Variants in BPTF observed in about 807,000 individuals in gnomAD.
The protein encoded by BPTF is nucleosome-remodeling factor subunit BPTF.
A neutral mutation model predicts 292.5 loss-of-function variants in BPTF; 18 were observed. The ratio of observed to expected loss-of-function variants is 0.06; its 90% CI spans 0.04 to 0.09. The LOEUF is 0.09. Ranked by LOEUF, BPTF falls within the 10% of genes least tolerant of loss-of-function variation. BPTF has a pLI of 1.00. For missense variants in BPTF, 2,726 were observed against 3,498.7 expected (o/e 0.78, Z 5.57); for synonymous variants, 1,225 against 1,251.9 (o/e 0.98, Z 0.45).
chr17:67,945,495 G>A lies in BPTF; in HGVS notation c.6787G>A (p.Val2263Met). 6.2e-7 allele frequency: 1 copy of A among 1,614,122 alleles called. No individual in the cohort carries two copies. Among genetic ancestry groups the A allele is most frequent in the African/African-American group, 1.3e-5 (1 of 75,034 alleles). ...KTLPPAQSSS[V>M]GPAEAQPQTA... ...CCTGCCACCAGCTCAGTCATCAAGTGTGGGTCCAGCAGAAGCCCAGCCACA... is the reference window on the plus strand; with the variant it reads ...CCTGCCACCAGCTCAGTCATCAAGTATGGGTCCAGCAGAAGCCCAGCCACA... The change falls in exon 21 of 28, where the codon GTG becomes ATG. Residue 2263 changes from valine (V) to methionine (M), a missense_variant. By Grantham distance (21) the Val-to-Met change is conservative. Transcript: ENST00000306378.
chr17:67,983,113 G>A lies in BPTF; in HGVS notation c.*825G>A, dbSNP rs1218073642. The A allele has an allele frequency of 1.3e-5, 2 of 152,664 alleles. No individual in the cohort carries two copies. The highest frequency in any genetic ancestry group is 4.8e-5 in the African/African-American group (2 of 41,574). 9.5% of individuals were successfully genotyped at this position (152,664 alleles called of 1,614,324 possible). ...TTTGTATTAAAATTCAACTATGGAT[G>A]TATATGAAACAAAATAAATGGAGAT... On this transcript the variant is annotated 3_prime_UTR_variant, in exon 28 of 28. Coordinates refer to ENST00000306378, the MANE Select transcript of BPTF (RefSeq NM_182641.4).
At chr17:67,934,882 A>AG (rs1333361579) in intron 18 of BPTF, among the ~76,000 whole-genome samples, 3 of 151,450 alleles carry the variant, frequency 2.0e-5, no homozygotes, top group Non-Finnish European at 4.4e-5. Context: ...AAAAAAAAAA[A>AG]AAAAAAAGCA....
intron 23 of BPTF, 147 bp from the exon 24 acceptor site, chr17:67,959,394 A>G: frequency 1.8e-6 from 1 of 546,916 alleles, no homozygotes; most frequent in Non-Finnish European, 3.0e-6. Flanking sequence ...ATATAAGAAA[A>G]CTCTTGTTTG....
At chr17:67,918,646 G>A in intron 11 of BPTF, 68 bp from the exon 12 acceptor site, 1 of 1,438,298 alleles carries the variant, frequency 7.0e-7, no homozygotes, top group Non-Finnish European at 9.6e-7. Flanking sequence ...TTAGTAGAGT[G>A]AATATGAATG....
rs2144120976 is a variant in BPTF, at chr17:67,836,206, C to G, written c.613+9869C>G. ...GCCAAATTATTTATCTATGGAACCCCCTGAGATTTGCTAAGAAAGTTATAC... is the reference window on the plus strand; with the variant it reads ...GCCAAATTATTTATCTATGGAACCCGCTGAGATTTGCTAAGAAAGTTATAC... On this transcript the variant is annotated intron_variant, in intron 1 of 27. Transcript: ENST00000306378. Among the ~76,000 whole-genome samples the G allele has an allele frequency of 2.0e-5, 3 of 152,178 alleles. 1 individual carries two copies. In the South Asian group the frequency reaches 6.2e-4, roughly 32 times the overall value.
chr17:67,888,926 A>G (rs556884100), intron 4 of BPTF, among the ~76,000 whole-genome samples: 116 of 152,320 alleles, frequency 7.6e-4, no homozygotes, highest in African/African-American at 2.7e-3. Flanking sequence ...TTTTTCTGAC[A>G]GTAGCACTCA....
At position 67,920,088 on chromosome 17, in the gene BPTF, T is replaced by C. The variant is rs2063334125; in HGVS notation, c.5502T>C (p.Ser1834=). Residue 1834 remains serine (S), a synonymous_variant, in exon 13 of 28, where the codon TCT becomes TCC. Coordinates refer to ENST00000306378, the MANE Select transcript of BPTF (RefSeq NM_182641.4). ...ATGTTGGTCCTTATGGCATTCGATC[T>C]GAATATTGTATCAGGAAAATCATTT... is the stretch of plus-strand genomic sequence containing the variant. ...RRDVGPYGIR[S]EYCIRKIICP... The C allele has an allele frequency of 1.2e-6, 2 of 1,611,918 alleles. No homozygotes were observed. Among genetic ancestry groups the C allele is most frequent in the Non-Finnish European group, 1.7e-6 (2 of 1,178,142 alleles).
chr17:67,959,070 A>C (rs2067219734), intron 23 of BPTF, among the ~76,000 whole-genome samples: 1 of 152,246 alleles, frequency 6.6e-6, no homozygotes, highest in Non-Finnish European at 1.5e-5. Context: ...TAAATAAGGC[A>C]AATCTGCCTC....
chr17:67,903,771 C>T lies in BPTF; in HGVS notation c.2544-18C>T. ...ATTTTTCCAAGTTAACATTGTCTTT[C>T]TATGCATGAATTCTTAGGTTACACC... On this transcript the variant is annotated intron_variant, in intron 7 of 27. Transcript: ENST00000306378. 3 of 1,515,038 alleles carry T rather than the reference C, an allele frequency of 2.0e-6. No individual in the cohort carries two copies. Among genetic ancestry groups the T allele is most frequent in the Non-Finnish European group, 2.6e-6 (3 of 1,137,216 alleles). The allele number at this position is 1,515,038 out of a possible 1,614,324, so 93.8% of individuals were successfully genotyped here.
At chr17:67,979,169 CAAAAAA>C (rs11376410) in intron 27 of BPTF, among the ~76,000 whole-genome samples, 8 of 72,566 alleles carry the variant, frequency 1.1e-4, no homozygotes, top group African/African-American at 5.6e-4. Context: ...GACCCTGTCT[CAAAAAA>C]AAAAAAAAAA....
chr17:67,857,490 G>A (rs2058770725), intron 2 of BPTF, among the ~76,000 whole-genome samples: 1 of 143,414 alleles, frequency 7.0e-6, no homozygotes, highest in Non-Finnish European at 1.5e-5. Context: ...TTGAAGACAA[G>A]ATCTCCCTTT....
intron 1 of BPTF, among the ~76,000 whole-genome samples, chr17:67,852,235 ATT>A (rs2058450987): frequency 6.6e-6 from 1 of 152,094 alleles, no homozygotes; most frequent in African/African-American, 2.4e-5. Flanking sequence ...CATTTTATTG[ATT>A]TGAGTATTAA....
Position 67,897,528 on chromosome 17 carries a change from A to G in BPTF, c.2543+3363A>G, listed in dbSNP as rs187359243. On this transcript the variant is annotated intron_variant, in intron 7 of 27. Coordinates refer to ENST00000306378, the MANE Select transcript of BPTF (RefSeq NM_182641.4). ...AAGAGTGGACCAAGATGGTGGAATA[A>G]AAGTCCCCAACTCATCGTGCCCCAC... is the stretch of plus-strand genomic sequence containing the variant. Among the ~76,000 whole-genome samples the G allele has an allele frequency of 4.9e-3, 746 of 152,120 alleles. 4 individuals carry two copies. Among genetic ancestry groups the G allele is most frequent in the African/African-American group, 0.016 (679 of 41,492 alleles).
intron 19 of BPTF, among the ~76,000 whole-genome samples, chr17:67,942,342 C>A (rs1424158562): frequency 6.6e-6 from 1 of 151,690 alleles, no homozygotes; most frequent in Non-Finnish European, 1.5e-5. Context: ...AAGGACAAAC[C>A]AACATTATGA....
At chr17:67,920,597 A>G (rs560196295) in intron 13 of BPTF, among the ~76,000 whole-genome samples, 20 of 152,374 alleles carry the variant, frequency 1.3e-4, no homozygotes, top group African/African-American at 4.1e-4. Flanking sequence ...AAATGTTTAT[A>G]GAGCACCAGT....
rs1355251547 is a variant in BPTF at position 67,908,098 on chromosome 17, A to G, written c.2813-1484A>G. 2.6e-5 allele frequency among the ~76,000 whole-genome samples: 4 copies of G among 152,186 alleles called. No individual in the cohort carries two copies. The East Asian group carries it at 7.7e-4, about 29-fold the overall frequency. On this transcript the variant is annotated intron_variant, in intron 9 of 27. Coordinates refer to ENST00000306378, the MANE Select transcript of BPTF (RefSeq NM_182641.4). ...ACAAAGTATGTTAGAAACCACTGAT[A>G]TGGGCTTTCTGGAATGATCAAATAG...
At chr17:67,855,388 T>C (rs1408437702) in intron 2 of BPTF, among the ~76,000 whole-genome samples, 6 of 152,238 alleles carry the variant, frequency 3.9e-5, no homozygotes, top group Non-Finnish European at 8.8e-5. Flanking sequence ...CTAGCTCAGC[T>C]CATCCACCCT....
intron 13 of BPTF, 57 bp from the exon 14 acceptor site, chr17:67,922,783 A>G: frequency 6.5e-7 from 1 of 1,540,278 alleles, no homozygotes; most frequent in Non-Finnish European, 8.7e-7. Context: ...AAGATGCCAG[A>G]AGTACTTTAA....
chr17:67,935,611 T>C (rs145555889), intron 18 of BPTF, among the ~76,000 whole-genome samples: 1 of 152,266 alleles, frequency 6.6e-6, no homozygotes, highest in East Asian at 1.9e-4. Context: ...AGTGAGCTTT[T>C]TTAACTCAAA....
Sources: gnomAD v4.1 joint callset for allele counts (sites outside exome capture counted in the v4.1 genomes callset) on GRCh38, gnomAD v4.1.1 for gene constraint, MANE v1.5 for transcripts, NCBI Gene and HGNC (gene_info 2026-07-23, HGNC 2026-07-21) for gene names.